WNT2B: variants seen among roughly 807,000 people sequenced by gnomAD.
WNT2B encodes Wnt family member 2B.
Under a neutral mutation model 40.5 loss-of-function variants are expected in WNT2B, and 19 were observed. That is an observed-to-expected ratio of 0.47 (90% CI 0.33 to 0.69). The LOEUF (loss-of-function observed/expected upper bound fraction) is 0.69, where lower values mean the gene tolerates loss of function less well. Ranked by LOEUF, WNT2B falls within the 30% of genes least tolerant of loss-of-function variation. WNT2B has a pLI of 0.02. For missense variants in WNT2B, 467 were observed against 556.4 expected (o/e 0.84, Z 1.62); for synonymous variants, 220 against 211.9 (o/e 1.04, Z -0.33).
At chr1:112,514,838 C>G (rs1418546195) in intron 1 of WNT2B, 36 bp from the exon 2 acceptor site, 12 of 1,607,192 alleles carry the variant, frequency 7.5e-6, no homozygotes, top group Non-Finnish European at 8.5e-6. Context: ...AGAAAAAGGT[C>G]TGGGATGTTC....
intron 1 of WNT2B, among the ~76,000 whole-genome samples, chr1:112,469,122 G>A (rs1400951903): frequency 6.6e-6 from 1 of 152,076 alleles, no homozygotes; most frequent in Non-Finnish European, 1.5e-5. Context: ...GTAAATATGT[G>A]GATTTATTTC....
chr1:112,498,565 A>G (rs1345690172), intron 1 of WNT2B, among the ~76,000 whole-genome samples: 1 of 151,206 alleles, frequency 6.6e-6, no homozygotes, highest in Non-Finnish European at 1.5e-5. Flanking sequence ...TAATGGCTGC[A>G]CTAGTTCACC....
In WNT2B at chr1:112,514,918, C is replaced by G. The variant is rs1652473177; in HGVS notation, c.227C>G (p.Pro76Arg). 6.2e-7 allele frequency: 1 copy of G among 1,614,144 alleles called. No individual in the cohort carries two copies. Among genetic ancestry groups the G allele is most frequent in the African/African-American group, 1.3e-5 (1 of 74,944 alleles). ...LGARVICDNI[P>R]GLVSRQRQLC... The stretch of plus-strand genomic sequence containing the variant: ...GCACGAGTGATCTGTGACAATATCC[C>G]TGGTTTGGTGAGCCGGCAGCGGCAG... Residue 76 changes from proline (P) to arginine (R), a missense_variant, in exon 2 of 5, where the codon CCT becomes CGT. Pro to Arg is a moderately radical substitution (Grantham distance 103). Transcript: ENST00000369684.
intron 3 of WNT2B, among the ~76,000 whole-genome samples, chr1:112,516,888 C>T (rs1237813932): frequency 6.6e-6 from 1 of 152,178 alleles, no homozygotes; most frequent in African/African-American, 2.4e-5. Flanking sequence ...GTTCAGTGGG[C>T]TGTCATGAAA....
Position 112,515,221 on chromosome 1 carries a change from G to T in WNT2B, c.403+127G>T. 1 of 1,143,124 alleles carries T rather than the reference G, an allele frequency of 8.7e-7. No individual in the cohort carries two copies. Among genetic ancestry groups the T allele is most frequent in the Non-Finnish European group, 1.2e-6 (1 of 804,006 alleles). The allele number at this position is 1,143,124 out of a possible 1,614,324, so 70.8% of individuals were successfully genotyped here. A position where few individuals can be genotyped will look rare whatever the true frequency, so the allele number is the denominator to read the frequency against. On this transcript the variant is annotated intron_variant, in intron 2 of 4. Transcript: ENST00000369684. This position sits in a 1 kb window ranked among gnomAD's most constrained non-coding sequence, Gnocchi z 4.4. The stretch of plus-strand genomic sequence containing the variant: ...GTTTCATCATCAGAGAAAGAACTGT[G>T]GGCAGAGCCCAGGATATAATTGGGA...
chr1:112,508,873 G>T (rs1652225921), upstream of WNT2B: 6 of 1,017,778 alleles, frequency 5.9e-6, no homozygotes, highest in South Asian at 2.8e-4. The surrounding 1 kb of genome is among the most constrained non-coding windows in gnomAD (Gnocchi z 4.2). Context: ...CGGGCTTGGC[G>T]CGGGCGGAGC....
chr1:112,478,757 C>CA (rs1224866290), intron 1 of WNT2B, among the ~76,000 whole-genome samples: 3 of 151,746 alleles, frequency 2.0e-5, no homozygotes, highest in Admixed American at 1.3e-4. Context: ...CTCATCTCCA[C>CA]AAAAAAAATT....
At chr1:112,512,440 C>T (rs115201723) in intron 1 of WNT2B, among the ~76,000 whole-genome samples, 80 of 152,276 alleles carry the variant, frequency 5.3e-4, no homozygotes, top group African/African-American at 1.8e-3. Flanking sequence ...GCATTTCTAA[C>T]GAATCCCCAC....
At position 112,526,272 on chromosome 1, in the gene WNT2B, A is replaced by G. The variant is rs1653367742; in HGVS notation, c.*5763A>G. On this transcript the variant is annotated 3_prime_UTR_variant, in exon 5 of 5. Transcript: ENST00000369684. ...CATTTCTGCCACTATTACCACCAGT[A>G]CCATGTGACCACTATACAACATATT... 14 of 825,860 alleles carry G rather than the reference A, an allele frequency of 1.7e-5. No homozygotes were observed. The Admixed American group carries it at 2.0e-4, about 12-fold the overall frequency. 51.2% of individuals were successfully genotyped at this position (825,860 alleles called of 1,614,324 possible). A position where few individuals can be genotyped will look rare whatever the true frequency, so the allele number is the denominator to read the frequency against.
intron 4 of WNT2B, 152 bp downstream of exon 4, chr1:112,517,537 T>C: frequency 9.3e-7 from 1 of 1,075,042 alleles, no homozygotes. Flanking sequence ...GTCATGAGAT[T>C]GTTGCAGTCC....
intron 1 of WNT2B, among the ~76,000 whole-genome samples, chr1:112,495,512 C>T (rs1651736934): frequency 6.6e-6 from 1 of 152,050 alleles, no homozygotes; most frequent in Non-Finnish European, 1.5e-5. Flanking sequence ...TGGCGTGAAC[C>T]CAGAAGGCGG....
chr1:112,500,923 G>A (rs1570781873), intron 1 of WNT2B, among the ~76,000 whole-genome samples: 1 of 152,212 alleles, frequency 6.6e-6, no homozygotes, highest in East Asian at 1.9e-4. Flanking sequence ...CACAACAGTG[G>A]ACCAATACTA....
At chr1:112,494,277 T>TCTAG (rs2101067456) in intron 1 of WNT2B, among the ~76,000 whole-genome samples, 1 of 151,256 alleles carries the variant, frequency 6.6e-6, no homozygotes, top group East Asian at 1.9e-4. Context: ...GCCACTGCAC[T>TCTAG]CTAGCCTGGG....
chr1:112,487,320 A>AT (rs1226029259), intron 1 of WNT2B, among the ~76,000 whole-genome samples: 4 of 152,192 alleles, frequency 2.6e-5, no homozygotes, highest in Non-Finnish European at 5.9e-5. Flanking sequence ...TAGAAATGTG[A>AT]TTACAAAGGT....
At position 112,520,654 on chromosome 1, in the gene WNT2B, T is replaced by C; in HGVS notation, c.*145T>C. 1.2e-6 allele frequency: 1 copy of C among 846,466 alleles called. No individual in the cohort carries two copies. Among genetic ancestry groups the C allele is most frequent in the Non-Finnish European group, 1.9e-6 (1 of 540,318 alleles). The allele number at this position is 846,466 out of a possible 1,614,324, so 52.4% of individuals were successfully genotyped here. On this transcript the variant is annotated 3_prime_UTR_variant, in exon 5 of 5. Transcript: ENST00000369684. Reference sequence around the variant, plus strand: ...TGTAGAGAGTAATCCATAGGGACCATGGTGTCCTGGCTGGTTCCTTAGCCC... The same window carrying C: ...TGTAGAGAGTAATCCATAGGGACCACGGTGTCCTGGCTGGTTCCTTAGCCC...
chr1:112,485,642 C>A (rs768076457), intron 1 of WNT2B, among the ~76,000 whole-genome samples: 10 of 152,122 alleles, frequency 6.6e-5, no homozygotes, highest in Non-Finnish European at 1.5e-4. Flanking sequence ...GTAATCTTTT[C>A]AATAAATGGT....
intron 1 of WNT2B, among the ~76,000 whole-genome samples, chr1:112,502,127 C>T (rs1000501442): frequency 1.2e-4 from 18 of 152,212 alleles, no homozygotes; most frequent in Admixed American, 1.1e-3. Flanking sequence ...CCTCACTCTG[C>T]GGCTCGCTCT....
intron 1 of WNT2B, among the ~76,000 whole-genome samples, chr1:112,482,287 C>A (rs986848479): frequency 2.6e-5 from 4 of 152,006 alleles, no homozygotes; most frequent in African/African-American, 9.7e-5. Flanking sequence ...CTACTACACT[C>A]CAACCTGGAT....
chr1:112,520,207 A>G, intron 4 of WNT2B, 73 bp from the exon 5 acceptor site: 1 of 1,415,114 alleles, frequency 7.1e-7, no homozygotes, highest in Non-Finnish European at 9.8e-7. Context: ...CTTCCTTCTG[A>G]GAATGTGGTT....
Sources: gnomAD v4.1 joint callset for allele counts (sites outside exome capture counted in the v4.1 genomes callset) on GRCh38, gnomAD v4.1.1 for gene constraint, Gnocchi (gnomAD v3.1) non-coding constraint, MANE v1.5 for transcripts, NCBI Gene and HGNC (gene_info 2026-07-23, HGNC 2026-07-21) for gene names.